SYT16: variants seen among roughly 807,000 people sequenced by gnomAD.
SYT16 encodes the protein synaptotagmin 16, also known as synaptotagmin-16.
SYT16 carries 42 observed loss-of-function variants against 61.4 expected under a neutral mutation model. The observed-to-expected ratio is 0.68, with a 90% confidence interval of 0.53 to 0.89. SYT16 has a LOEUF of 0.89. Ranked by LOEUF, SYT16 falls within the 40% of genes least tolerant of loss-of-function variation. SYT16 has a pLI of 0.00. For synonymous variants in SYT16, 314 were observed against 302.3 expected (o/e 1.04, Z -0.40); for missense variants, 804 against 807.3 (o/e 1.00, Z 0.05).
intron 1 of SYT16, among the ~76,000 whole-genome samples, chr14:61,896,242 A>T (rs1237086470): frequency 2.6e-5 from 4 of 152,110 alleles, no homozygotes; most frequent in African/African-American, 9.7e-5. Context: ...TGCTGTGGGG[A>T]CCAAGCTGGA....
At chr14:61,926,059 A>G (rs2049523124) in intron 1 of SYT16, among the ~76,000 whole-genome samples, 1 of 152,164 alleles carries the variant, frequency 6.6e-6, no homozygotes, top group Non-Finnish European at 1.5e-5. Flanking sequence ...GTCTAAATGA[A>G]TAAATGGTCA....
At chr14:61,822,549 G>A (rs952318609) in intron 1 of SYT16, among the ~76,000 whole-genome samples, 23 of 152,182 alleles carry the variant, frequency 1.5e-4, no homozygotes, top group African/African-American at 3.6e-4. Flanking sequence ...AACTGCCTCC[G>A]TCAGAGAAGA....
Position 61,970,169 on chromosome 14 carries a change from G to T in SYT16, c.-287G>T, listed in dbSNP as rs1175495851. 5.3e-5 allele frequency: 8 copies of T among 152,084 alleles called. No individual in the cohort carries two copies. Among genetic ancestry groups the T allele is most frequent in the South Asian group, 2.1e-4 (1 of 4,820 alleles). 9.4% of individuals were successfully genotyped at this position (152,084 alleles called of 1,614,324 possible). ...CCATTGGCTTCTTGTCTGCTGTTGG[G>T]GTCTTTATTGTTCTTCTGGCCGTCC... On this transcript the variant is annotated 5_prime_UTR_variant, in exon 2 of 8. Transcript: ENST00000683842.
chr14:61,858,013 A>T (rs184281458), intron 1 of SYT16, among the ~76,000 whole-genome samples: 1 of 151,776 alleles, frequency 6.6e-6, no homozygotes, highest in African/African-American at 2.4e-5. Flanking sequence ...TTATCATCTC[A>T]ACAGTGAGAA....
chr14:61,862,401 A>G (rs2046992041), intron 1 of SYT16, among the ~76,000 whole-genome samples: 1 of 152,204 alleles, frequency 6.6e-6, no homozygotes, highest in East Asian at 1.9e-4. Context: ...TCTTTCACTT[A>G]ACATAATGCT....
At position 62,069,782 on chromosome 14, in the gene SYT16, G is replaced by A. The variant is rs1413075127; in HGVS notation, c.703G>A (p.Gly235Arg). The change falls in exon 4 of 8, where the codon GGA becomes AGA. Residue 235 changes from glycine to arginine, a missense_variant. Gly to Arg is a moderately radical substitution (Grantham distance 125). Coordinates refer to ENST00000683842, the MANE Select transcript of SYT16 (RefSeq NM_001367656.1). ...ATTCAGCCGTTCGTTGTTGACACAC[G>A]GAGAAGATGGCACAGAAGTATCTGC... ...PKFSRSLLTH[G>R]EDGTEVSACE... The A allele has an allele frequency of 8.1e-6, 13 of 1,613,964 alleles. No individual in the cohort carries two copies. The highest frequency in any genetic ancestry group is 4.0e-5 in the African/African-American group (3 of 75,048).
At chr14:61,913,631 G>A (rs972832963) in intron 1 of SYT16, among the ~76,000 whole-genome samples, 3 of 151,486 alleles carry the variant, frequency 2.0e-5, no homozygotes, top group African/African-American at 7.3e-5. Context: ...TATGGACACT[G>A]GACTGTATTT....
chr14:61,831,288 C>T (rs2045928451), intron 1 of SYT16, among the ~76,000 whole-genome samples: 1 of 152,166 alleles, frequency 6.6e-6, no homozygotes, highest in Admixed American at 6.6e-5. Flanking sequence ...GTACTTATTC[C>T]ATCTTGTCCA....
At chr14:62,022,645 T>A (rs1210416661) in intron 3 of SYT16, among the ~76,000 whole-genome samples, 1 of 152,040 alleles carries the variant, frequency 6.6e-6, no homozygotes, top group African/African-American at 2.4e-5. Context: ...CACAGACATA[T>A]GTATATATGT....
chr14:61,835,120 T>C (rs1423442310), intron 1 of SYT16, among the ~76,000 whole-genome samples: 1 of 152,204 alleles, frequency 6.6e-6, no homozygotes, highest in African/African-American at 2.4e-5. Flanking sequence ...TGCTGATTTA[T>C]AGCTTTAAGA....
chr14:62,028,249 AGTT>A, intron 3 of SYT16, among the ~76,000 whole-genome samples: 1 of 152,212 alleles, frequency 6.6e-6, no homozygotes, highest in Non-Finnish European at 1.5e-5. Context: ...GCATTTACTA[AGTT>A]GTATTGGACA....
chr14:62,071,368 A>C, intron 4 of SYT16, among the ~76,000 whole-genome samples: 1 of 152,340 alleles, frequency 6.6e-6, no homozygotes, highest in South Asian at 2.1e-4. Context: ...TGATGTTCTG[A>C]GAGTTCTGAC....
intron 1 of SYT16, among the ~76,000 whole-genome samples, chr14:61,869,565 G>A (rs2047264687): frequency 6.6e-6 from 1 of 151,994 alleles, no homozygotes; most frequent in Non-Finnish European, 1.5e-5. Context: ...TTGTGTTGTT[G>A]TCATACATTT....
intron 1 of SYT16, among the ~76,000 whole-genome samples, chr14:61,840,472 C>T (rs929811891): frequency 9.2e-5 from 14 of 152,118 alleles, no homozygotes; most frequent in African/African-American, 3.1e-4. Context: ...GAAAGTATCA[C>T]CAATGAGACC....
intron 1 of SYT16, among the ~76,000 whole-genome samples, chr14:61,967,832 T>A (rs985698579): frequency 1.1e-4 from 17 of 152,188 alleles, no homozygotes; most frequent in African/African-American, 4.1e-4. Context: ...AACAAACTTA[T>A]AAATGAAATG....
intron 1 of SYT16, among the ~76,000 whole-genome samples, chr14:61,865,798 A>T (rs1248985613): frequency 1.3e-5 from 2 of 152,088 alleles, no homozygotes; most frequent in Admixed American, 6.6e-5. Flanking sequence ...GTGAGATGTA[A>T]TGTGACAGGA....
Position 62,100,651 on chromosome 14 carries a change from A to T in SYT16, c.1882A>T (p.Met628Leu). The change falls in exon 8 of 8, where the codon ATG (methionine) becomes TTG (leucine). Residue 628 changes from methionine to leucine, a missense_variant. Transcript: ENST00000683842. The stretch of plus-strand genomic sequence containing the variant: ...GGAGGAACAAGATCACTGGGAGGAG[A>T]TGAAGGAAACCAAAGGCCAGCAGAT... The part of the protein sequence containing the change: ...GEEEQDHWEE[M>L]KETKGQQICR... The T allele has an allele frequency of 6.2e-7, 1 of 1,613,820 alleles. No individual in the cohort carries two copies. Among genetic ancestry groups the T allele is most frequent in the South Asian group, 1.1e-5 (1 of 91,070 alleles).
At chr14:62,011,608 G>A (rs2053452737) in intron 3 of SYT16, among the ~76,000 whole-genome samples, 1 of 152,048 alleles carries the variant, frequency 6.6e-6, no homozygotes, top group Non-Finnish European at 1.5e-5. Context: ...TGGAGGAAAG[G>A]TGATTTACTG....
chr14:62,043,833 T>A (rs1347686041), intron 3 of SYT16, among the ~76,000 whole-genome samples: 2 of 152,192 alleles, frequency 1.3e-5, no homozygotes, highest in African/African-American at 4.8e-5. Context: ...CTTCTTTGCA[T>A]GACTGCTACA....
Sources: gnomAD v4.1 joint callset for allele counts (sites outside exome capture counted in the v4.1 genomes callset) on GRCh38, gnomAD v4.1.1 for gene constraint, MANE v1.5 for transcripts, NCBI Gene and HGNC (gene_info 2026-07-23, HGNC 2026-07-21) for gene names.